The following AKAP19 variants were observed in gnomAD, a reference collection of about 807,000 sequenced individuals.
AKAP19 encodes the protein A-kinase anchoring protein 19, also known as small A-kinase anchoring protein.
At chr2:190,053,001 T>C in the AKAP19 span, among the ~76,000 whole-genome samples, 1 of 152,234 alleles carries the variant, frequency 6.6e-6, no homozygotes, top group Admixed American at 6.5e-5. Context: ...TATATGTGTG[T>C]GCTTATTTAA....
the AKAP19 span, among the ~76,000 whole-genome samples, chr2:190,035,833 AT>A: frequency 6.6e-6 from 1 of 152,158 alleles, no homozygotes; most frequent in East Asian, 1.9e-4. Context: ...TAGTTAGGTT[AT>A]TTCCTATGAT....
chr2:189,921,131 C>T, the AKAP19 span, among the ~76,000 whole-genome samples: 5 of 152,098 alleles, frequency 3.3e-5, no homozygotes, highest in Non-Finnish European at 7.4e-5. Flanking sequence ...CCGTGTTTGC[C>T]TGAAAGCTTT....
chr2:189,923,748 G>C, the AKAP19 span: 23 of 1,613,424 alleles, frequency 1.4e-5, no homozygotes, highest in Middle Eastern at 8.2e-4. Context: ...CCTATTGCTC[G>C]GGCTGTAGTG....
the AKAP19 span, among the ~76,000 whole-genome samples, chr2:190,040,322 T>C: frequency 4.6e-5 from 7 of 152,250 alleles, no homozygotes; most frequent in African/African-American, 1.7e-4. Flanking sequence ...ATGTCTTCTT[T>C]GGAGAAGTAT....
the AKAP19 span, among the ~76,000 whole-genome samples, chr2:189,964,806 G>C: frequency 3.3e-5 from 5 of 152,312 alleles, no homozygotes; most frequent in African/African-American, 1.2e-4. Context: ...TTTGGCATAA[G>C]GGAATGTTGT....
chr2:190,079,483 T>C, the AKAP19 span: 1 of 152,224 alleles, frequency 6.6e-6, no homozygotes, highest in Non-Finnish European at 1.5e-5. Flanking sequence ...TTCACAAAAC[T>C]CTGTGAGTGT....
the AKAP19 span, among the ~76,000 whole-genome samples, chr2:189,935,490 T>G: frequency 6.6e-6 from 1 of 152,054 alleles, no homozygotes; most frequent in African/African-American, 2.4e-5. Flanking sequence ...AGTGAAAGTA[T>G]GAAACTCGTT....
At chr2:190,156,101 G>C in the AKAP19 span, among the ~76,000 whole-genome samples, 1 of 151,970 alleles carries the variant, frequency 6.6e-6, no homozygotes, top group South Asian at 2.1e-4. Flanking sequence ...CTCCTTATAG[G>C]CTTTGGTTTT....
At chr2:190,053,493 T>G in the AKAP19 span, among the ~76,000 whole-genome samples, 1 of 152,184 alleles carries the variant, frequency 6.6e-6, no homozygotes, top group Non-Finnish European at 1.5e-5. Flanking sequence ...TGAATGGTAC[T>G]AAATTTAGTA....
At chr2:190,109,869 T>C in the AKAP19 span, among the ~76,000 whole-genome samples, 1 of 152,214 alleles carries the variant, frequency 6.6e-6, no homozygotes, top group Non-Finnish European at 1.5e-5. Flanking sequence ...TAGATATCCA[T>C]GGTGCTACTA....
chr2:190,114,009 A>T, the AKAP19 span, among the ~76,000 whole-genome samples: 1 of 152,090 alleles, frequency 6.6e-6, no homozygotes, highest in African/African-American at 2.4e-5. Context: ...GTCATTCTGA[A>T]AGTTACTCTT....
chr2:190,174,901 T>C, the AKAP19 span, among the ~76,000 whole-genome samples: 5 of 152,140 alleles, frequency 3.3e-5, no homozygotes, highest in Non-Finnish European at 7.3e-5. Flanking sequence ...TGAGATGAAA[T>C]TATATAAAGC....
chr2:190,058,867 T>C, the AKAP19 span, among the ~76,000 whole-genome samples: 1 of 151,908 alleles, frequency 6.6e-6, no homozygotes, highest in African/African-American at 2.4e-5. Flanking sequence ...AAAAACTACA[T>C]ATTTGGTACA....
chr2:189,920,926 G>T, the AKAP19 span, among the ~76,000 whole-genome samples: 1 of 152,058 alleles, frequency 6.6e-6, no homozygotes, highest in African/African-American at 2.4e-5. Context: ...AACTTATTCT[G>T]GCCCCTTCTG....
the AKAP19 span, among the ~76,000 whole-genome samples, chr2:189,963,017 T>C: frequency 6.6e-6 from 1 of 152,152 alleles, no homozygotes; most frequent in African/African-American, 2.4e-5. Flanking sequence ...CTTTATCAAC[T>C]AAGTTTATGG....
At chr2:189,980,486 C>T in the AKAP19 span, among the ~76,000 whole-genome samples, 1 of 152,126 alleles carries the variant, frequency 6.6e-6, no homozygotes, top group African/African-American at 2.4e-5. Context: ...AAGCATGCAC[C>T]ACCATGCCCA....
the AKAP19 span, among the ~76,000 whole-genome samples, chr2:189,998,771 CT>C: frequency 0.015 from 1,510 of 97,498 alleles, 14 homozygotes; most frequent in African/African-American, 0.057. Context: ...TTCTTTCTTT[CT>C]TTTTTTTTTT....
chr2:190,107,743 T>C, the AKAP19 span, among the ~76,000 whole-genome samples: 1 of 152,208 alleles, frequency 6.6e-6, no homozygotes, highest in South Asian at 2.1e-4. Flanking sequence ...ATTGGTATTC[T>C]GTGCAAAGAA....
chr2:190,180,819 A>G, the AKAP19 span: 6 of 985,158 alleles, frequency 6.1e-6, no homozygotes, highest in East Asian at 6.8e-4. The surrounding 1 kb of genome is among the most constrained non-coding windows in gnomAD (Gnocchi z 6.8). Flanking sequence ...CGGCAGGAGG[A>G]GGGGCCGGGA....
Sources: gnomAD v4.1 joint callset for allele counts (sites outside exome capture counted in the v4.1 genomes callset) on GRCh38, gnomAD v4.1.1 for gene constraint, Gnocchi (gnomAD v3.1) non-coding constraint, MANE v1.5 for transcripts, NCBI Gene and HGNC (gene_info 2026-07-23, HGNC 2026-07-21) for gene names.